ATP1B3: variants seen among roughly 807,000 people sequenced by gnomAD.
The protein encoded by ATP1B3 is ATPase Na+/K+ transporting subunit beta 3, also known as sodium/potassium-transporting ATPase subunit beta-3.
Under a neutral mutation model 30.2 loss-of-function variants are expected in ATP1B3, and 10 were observed. That is an observed-to-expected ratio of 0.33 (90% CI 0.20 to 0.56). The LOEUF (loss-of-function observed/expected upper bound fraction) is 0.56, where lower values mean the gene tolerates loss of function less well. Ranked by LOEUF, ATP1B3 falls within the 20% of genes least tolerant of loss-of-function variation. ATP1B3 has a pLI of 0.90. For synonymous variants in ATP1B3, 113 were observed against 117.0 expected, an observed-to-expected ratio of 0.97 and a Z score of 0.22; for missense variants, 238 against 336.7, an observed-to-expected ratio of 0.71 and a Z score of 2.29.
chr3:141,881,997 T>C (rs556596120), intron 1 of ATP1B3, among the ~76,000 whole-genome samples: 5 of 152,266 alleles, frequency 3.3e-5, no homozygotes, highest in South Asian at 4.1e-4. Flanking sequence ...GTAATTATGG[T>C]AGTACGAGTG....
chr3:141,880,687 A>G (rs1174354728), intron 1 of ATP1B3, among the ~76,000 whole-genome samples: 1 of 152,160 alleles, frequency 6.6e-6, no homozygotes, highest in East Asian at 1.9e-4. Context: ...GTGTTGTTTC[A>G]TGAAGCTTTT....
chr3:141,903,297 C>A (rs1314557778), intron 1 of ATP1B3, among the ~76,000 whole-genome samples: 1 of 152,106 alleles, frequency 6.6e-6, no homozygotes, highest in Non-Finnish European at 1.5e-5. Context: ...TAGAGGGCAT[C>A]AAGTTCATTT....
chr3:141,890,218 G>T (rs933073265), intron 1 of ATP1B3, among the ~76,000 whole-genome samples: 1 of 144,112 alleles, frequency 6.9e-6, no homozygotes, highest in Non-Finnish European at 1.5e-5. Flanking sequence ...GAGTAGCTGG[G>T]ACTACCTGTG....
At chr3:141,917,660 C>T (rs1934489921) in intron 5 of ATP1B3, among the ~76,000 whole-genome samples, 1 of 152,104 alleles carries the variant, frequency 6.6e-6, no homozygotes, top group South Asian at 2.1e-4. Flanking sequence ...CACTTCTGCA[C>T]TCCAGCCTGT....
rs985501105 is a variant in ATP1B3, at chr3:141,921,958, C to A, written c.583-19C>A. Reference sequence around the variant, plus strand: ...TCTTTTTGTGACCTAAAGAGGATTTCTTTTGTTTTCAACTTCAGAATGAAG... The same window carrying A: ...TCTTTTTGTGACCTAAAGAGGATTTATTTTGTTTTCAACTTCAGAATGAAG... On this transcript the variant is annotated intron_variant, in intron 5 of 6. Coordinates refer to ENST00000286371, the MANE Select transcript of ATP1B3 (RefSeq NM_001679.4). The A allele has an allele frequency of 7.9e-6, 11 of 1,384,224 alleles. No individual in the cohort carries two copies. The East Asian group carries it at 2.7e-4, about 34-fold the overall frequency. 85.7% of individuals were successfully genotyped at this position (1,384,224 alleles called of 1,614,324 possible).
chr3:141,909,196 CTT>C (rs989178614), intron 3 of ATP1B3, among the ~76,000 whole-genome samples: 11 of 152,180 alleles, frequency 7.2e-5, no homozygotes, highest in African/African-American at 2.7e-4. Flanking sequence ...TTAAAAAAGA[CTT>C]TTGTGAAAGT....
At chr3:141,900,938 A>G (rs937492861) in intron 1 of ATP1B3, among the ~76,000 whole-genome samples, 2 of 152,100 alleles carry the variant, frequency 1.3e-5, no homozygotes, top group Non-Finnish European at 2.9e-5. Flanking sequence ...GTGCACCACC[A>G]CGCCTGGCTA....
At chr3:141,894,805 A>AG (rs1182285177) in intron 1 of ATP1B3, among the ~76,000 whole-genome samples, 1 of 151,994 alleles carries the variant, frequency 6.6e-6, no homozygotes, top group Non-Finnish European at 1.5e-5. Flanking sequence ...TGTAAGTAGA[A>AG]GGAGTACACT....
chr3:141,913,448 GATT>G (rs1399089961), intron 3 of ATP1B3, among the ~76,000 whole-genome samples: 1 of 152,168 alleles, frequency 6.6e-6, no homozygotes, highest in African/African-American at 2.4e-5. Context: ...CAGTTTGTAT[GATT>G]ATTGAAATGC....
Position 141,907,244 on chromosome 3 carries a change from T to C in ATP1B3, c.316T>C (p.Tyr106His). The C allele has an allele frequency of 6.2e-7, 1 of 1,612,046 alleles. No individual in the cohort carries two copies. The highest frequency in any genetic ancestry group is 2.2e-5 in the East Asian group (1 of 44,814). ...SRSDPTSYAG[Y>H]IEDLKKFLKP... ...GTCTGATCCAACTTCGTATGCAGGG[T>C]ACATTGAAGACCTTAAGAAGTTTCT... The change falls in exon 3 of 7, where the codon TAC becomes CAC. Residue 106 changes from tyrosine to histidine, a missense_variant. Tyr to His is a moderately conservative substitution (Grantham distance 83, BLOSUM62 2). This residue lies in a region of ATP1B3 where 130 missense variants were observed against 148.8 expected (regional missense o/e 0.87). Transcript: ENST00000286371.
chr3:141,894,478 C>A (rs1934021819), intron 1 of ATP1B3, among the ~76,000 whole-genome samples: 1 of 152,140 alleles, frequency 6.6e-6, no homozygotes, highest in Non-Finnish European at 1.5e-5. Context: ...CTTTTAATAA[C>A]ACTTAGCTTT....
intron 1 of ATP1B3, among the ~76,000 whole-genome samples, chr3:141,879,092 C>T (rs1933664730): frequency 6.6e-6 from 1 of 152,164 alleles, no homozygotes; most frequent in Non-Finnish European, 1.5e-5. Flanking sequence ...TGCCAGATGT[C>T]ATCATACCTC....
intron 1 of ATP1B3, among the ~76,000 whole-genome samples, chr3:141,885,218 A>G (rs1461867690): frequency 6.6e-6 from 1 of 152,116 alleles, no homozygotes; most frequent in East Asian, 1.9e-4. Flanking sequence ...TGTGGCCCAT[A>G]TCCCCATTAC....
At chr3:141,901,138 G>A (rs952773383) in intron 1 of ATP1B3, among the ~76,000 whole-genome samples, 2 of 152,290 alleles carry the variant, frequency 1.3e-5, no homozygotes, top group Middle Eastern at 3.4e-3. Context: ...TTTTAAACTA[G>A]CTAGGGAACG....
chr3:141,905,536 AT>A (rs150703269), intron 2 of ATP1B3, among the ~76,000 whole-genome samples: 4 of 151,946 alleles, frequency 2.6e-5, no homozygotes, highest in South Asian at 2.1e-4. Flanking sequence ...TGTCTCAACC[AT>A]TTTTTTTCCT....
At chr3:141,878,323 C>T (rs1264855982) in intron 1 of ATP1B3, among the ~76,000 whole-genome samples, 2 of 152,208 alleles carry the variant, frequency 1.3e-5, no homozygotes, top group Non-Finnish European at 2.9e-5. Flanking sequence ...CTTTTGGGAA[C>T]CCACTAGTGT....
chr3:141,883,500 A>G (rs765702139), intron 1 of ATP1B3, among the ~76,000 whole-genome samples: 1 of 152,224 alleles, frequency 6.6e-6, no homozygotes, highest in Non-Finnish European at 1.5e-5. Flanking sequence ...CCTAGGTGAT[A>G]GAGTTAGCCT....
rs72986323 is a variant in ATP1B3 at position 141,878,503 on chromosome 3, G to C, written c.109+1593G>C. Among the ~76,000 whole-genome samples the C allele has an allele frequency of 3.3e-3, 497 of 152,318 alleles. 3 individuals are homozygous for C. The highest frequency in any genetic ancestry group is 0.012 in the African/African-American group (482 of 41,580). On this transcript the variant is annotated intron_variant, in intron 1 of 6. Transcript: ENST00000286371. Reference sequence around the variant, plus strand: ...CCTTCCTCCCTTTCTCCCTTCCCCAGTGCTTCCTCATTTCCAGAACGGAGT... The same window carrying C: ...CCTTCCTCCCTTTCTCCCTTCCCCACTGCTTCCTCATTTCCAGAACGGAGT...
At chr3:141,902,314 T>C in intron 1 of ATP1B3, 1 of 964,372 alleles carries the variant, frequency 1.0e-6, no homozygotes, top group Non-Finnish European at 1.4e-6. Flanking sequence ...AAAAGGGGGT[T>C]GGGGGTGATT....
Sources: gnomAD v4.1 joint callset for allele counts (sites outside exome capture counted in the v4.1 genomes callset) on GRCh38, gnomAD v4.1.1 for gene constraint, gnomAD v4.1.1 regional missense constraint, MANE v1.5 for transcripts, NCBI Gene and HGNC (gene_info 2026-07-23, HGNC 2026-07-21) for gene names.